Variants in COL5A2 observed in about 807,000 individuals in gnomAD.
The protein encoded by COL5A2 is collagen alpha-2(V) chain.
In COL5A2, 23 loss-of-function variants were observed where a neutral mutation model predicts 208.2. The ratio of observed to expected loss-of-function variants is 0.11; its 90% CI spans 0.08 to 0.16. The LOEUF is 0.16. COL5A2 is among the 10% of genes least tolerant of loss of function. The pLI, the probability that COL5A2 is intolerant of heterozygous loss-of-function variation, is 1.00. For synonymous variants in COL5A2, 625 were observed against 628.5 expected (o/e 0.99, Z 0.08); for missense variants, 1,590 against 1,956.4 (o/e 0.81, Z 3.53).
At chr2:189,335,039 A>G in the COL5A2 span, among the ~76,000 whole-genome samples, 1 of 152,048 alleles carries the variant, frequency 6.6e-6, no homozygotes, top group Non-Finnish European at 1.5e-5. Context: ...AATCCTTGGC[A>G]GTTACTTCAC....
At chr2:189,440,292 T>C in the COL5A2 span, among the ~76,000 whole-genome samples, 1 of 152,206 alleles carries the variant, frequency 6.6e-6, no homozygotes, top group Non-Finnish European at 1.5e-5. Context: ...TTCTAAGAAA[T>C]GCATTTTAGG....
At chr2:189,188,334 G>T (rs1343839714) in intron 1 of COL5A2, among the ~76,000 whole-genome samples, 1 of 152,120 alleles carries the variant, frequency 6.6e-6, no homozygotes, top group Admixed American at 6.5e-5. Context: ...AAAGGCAAAT[G>T]AAAATGAAAT....
chr2:189,175,498 T>C (rs1688659488), intron 1 of COL5A2, among the ~76,000 whole-genome samples: 1 of 151,936 alleles, frequency 6.6e-6, no homozygotes, highest in South Asian at 2.1e-4. Context: ...TATGCCAGCC[T>C]TTCACTACCT....
At chr2:189,128,275 A>C (rs940398866) in intron 1 of COL5A2, among the ~76,000 whole-genome samples, 13 of 151,996 alleles carry the variant, frequency 8.6e-5, no homozygotes, top group African/African-American at 3.1e-4. Context: ...TGTAAAAAGT[A>C]GGTGGTATTT....
At chr2:189,067,718 A>G (rs1293389744) in intron 21 of COL5A2, among the ~76,000 whole-genome samples, 4 of 152,188 alleles carry the variant, frequency 2.6e-5, no homozygotes, top group Non-Finnish European at 5.9e-5. Context: ...TAATATTTTC[A>G]TAATATTTAT....
chr2:189,317,469 G>A, the COL5A2 span, among the ~76,000 whole-genome samples: 1 of 152,016 alleles, frequency 6.6e-6, no homozygotes, highest in African/African-American at 2.4e-5. Flanking sequence ...TCTATGTACT[G>A]TTAGGTTCTG....
the COL5A2 span, among the ~76,000 whole-genome samples, chr2:189,437,799 G>C: frequency 2.0e-5 from 3 of 152,222 alleles, no homozygotes; most frequent in African/African-American, 7.2e-5. Context: ...AGTAATTCAT[G>C]ACATTAATAC....
At chr2:189,182,372 G>A (rs1420393785), upstream of COL5A2, among the ~76,000 whole-genome samples, 2 of 152,036 alleles carry the variant, frequency 1.3e-5, no homozygotes, top group Non-Finnish European at 2.9e-5. Flanking sequence ...AGGCGATTAC[G>A]GTTCAAAGAT....
chr2:189,412,311 T>C, the COL5A2 span, among the ~76,000 whole-genome samples: 1 of 152,182 alleles, frequency 6.6e-6, no homozygotes, highest in Non-Finnish European at 1.5e-5. Context: ...AGAAACAATA[T>C]GGAGAAGTTC....
chr2:189,056,775 A>T (rs545024263), intron 35 of COL5A2, 198 bp downstream of exon 35: 82 of 628,238 alleles, frequency 1.3e-4, no homozygotes, highest in South Asian at 3.4e-4. Context: ...ATATGTTTTT[A>T]TTTAAGTTTC....
At chr2:189,339,646 G>A in the COL5A2 span, among the ~76,000 whole-genome samples, 1 of 152,148 alleles carries the variant, frequency 6.6e-6, no homozygotes, top group Non-Finnish European at 1.5e-5. Flanking sequence ...AAAATTAGGG[G>A]GTTTTACAGC....
intron 1 of COL5A2, among the ~76,000 whole-genome samples, chr2:189,147,252 A>G (rs1688057306): frequency 2.0e-5 from 3 of 152,190 alleles, no homozygotes; most frequent in Admixed American, 1.3e-4. Context: ...ATGCTATAAC[A>G]TCTATACGAA....
intron 1 of COL5A2, among the ~76,000 whole-genome samples, chr2:189,139,019 T>C (rs1286874163): frequency 6.6e-6 from 1 of 152,136 alleles, no homozygotes; most frequent in Non-Finnish European, 1.5e-5. Flanking sequence ...TGTATGTACA[T>C]AGTGGCTTCC....
At chr2:189,333,113 T>C in the COL5A2 span, among the ~76,000 whole-genome samples, 24 of 150,682 alleles carry the variant, frequency 1.6e-4, 1 homozygote, top group Non-Finnish European at 8.9e-5. Flanking sequence ...AAAAGAAGAG[T>C]TTAAATTGAA....
At chr2:189,223,967 C>T (rs1689380877) in intron 1 of COL5A2, among the ~76,000 whole-genome samples, 1 of 151,848 alleles carries the variant, frequency 6.6e-6, no homozygotes, top group Non-Finnish European at 1.5e-5. Context: ...ATAAAAAGTT[C>T]AGTTAAGAAA....
the COL5A2 span, among the ~76,000 whole-genome samples, chr2:189,354,690 C>T: frequency 1.7e-3 from 252 of 152,244 alleles, 1 homozygote; most frequent in African/African-American, 5.6e-3. Flanking sequence ...ATTAGTCTTG[C>T]TGGCATTCTA....
At chr2:189,330,256 A>G in the COL5A2 span, among the ~76,000 whole-genome samples, 1 of 152,136 alleles carries the variant, frequency 6.6e-6, no homozygotes, top group Non-Finnish European at 1.5e-5. Context: ...AGCAGAGTAA[A>G]AAATCCTCTG....
intron 34 of COL5A2, 46 bp from the exon 35 acceptor site, chr2:189,057,072 T>C (rs1403971055): frequency 6.3e-7 from 1 of 1,578,966 alleles, no homozygotes; most frequent in East Asian, 2.2e-5. Flanking sequence ...ATTGTCTCTT[T>C]CCCACACTTG....
the COL5A2 span, among the ~76,000 whole-genome samples, chr2:189,356,932 T>C: frequency 1.3e-5 from 2 of 152,224 alleles, no homozygotes; most frequent in Non-Finnish European, 2.9e-5. Context: ...GTGGATGTCC[T>C]TTTTGTTGAT....
Sources: gnomAD v4.1 joint callset for allele counts (sites outside exome capture counted in the v4.1 genomes callset) on GRCh38, gnomAD v4.1.1 for gene constraint, MANE v1.5 for transcripts, NCBI Gene and HGNC (gene_info 2026-07-23, HGNC 2026-07-21) for gene names.